The following DOCK1 variants were observed in gnomAD, a reference collection of about 807,000 sequenced individuals.
DOCK1 encodes dedicator of cytokinesis 1, also known as dedicator of cytokinesis protein 1.
DOCK1 carries 138 observed loss-of-function variants against 262.7 expected under a neutral mutation model. The ratio of observed to expected loss-of-function variants is 0.53; its 90% CI spans 0.46 to 0.61. The LOEUF is 0.61. DOCK1 is among the 20% of genes least tolerant of loss of function. DOCK1 has a pLI of 0.00. For missense variants in DOCK1, 1,908 were observed against 2,370.7 expected (o/e 0.80, Z 4.05); for synonymous variants, 866 against 867.4 (o/e 1.00, Z 0.03).
chr10:127,318,876 A>G (rs542542886), intron 29 of DOCK1, among the ~76,000 whole-genome samples: 1 of 152,344 alleles, frequency 6.6e-6, no homozygotes, highest in African/African-American at 2.4e-5. Context: ...ACAAGGGGCC[A>G]GAGGGGCCTG....
intron 33 of DOCK1, among the ~76,000 whole-genome samples, chr10:127,368,855 G>A (rs539833659): frequency 3.9e-5 from 6 of 152,044 alleles, no homozygotes; most frequent in South Asian, 4.1e-4. Context: ...CATTTGTTAC[G>A]CCTTTGGAAA....
At chr10:127,097,447 C>T (rs938568798) in intron 23 of DOCK1, among the ~76,000 whole-genome samples, 2 of 152,184 alleles carry the variant, frequency 1.3e-5, no homozygotes, top group African/African-American at 4.8e-5. Flanking sequence ...GGCTTGCTGG[C>T]TTTCCATCAG....
intron 1 of DOCK1, among the ~76,000 whole-genome samples, chr10:126,907,057 A>G (rs894271459): frequency 1.3e-5 from 2 of 152,146 alleles, no homozygotes; most frequent in African/African-American, 2.4e-5. Context: ...TCAGTGTGTA[A>G]CCTGCACCCT....
intron 11 of DOCK1, among the ~76,000 whole-genome samples, chr10:127,010,219 C>A (rs1236263874): frequency 2.0e-5 from 3 of 152,198 alleles, no homozygotes; most frequent in Non-Finnish European, 4.4e-5. Context: ...GTAATCCCAG[C>A]ACTTTGGGAG....
intron 1 of DOCK1, among the ~76,000 whole-genome samples, chr10:126,921,564 G>A (rs1201107342): frequency 1.3e-5 from 2 of 152,170 alleles, no homozygotes; most frequent in Non-Finnish European, 2.9e-5. Context: ...AGGGCGTGAT[G>A]GGGAGTGGCC....
chr10:127,199,373 G>T (rs898401220), intron 27 of DOCK1, among the ~76,000 whole-genome samples: 2 of 152,062 alleles, frequency 1.3e-5, no homozygotes, highest in Non-Finnish European at 2.9e-5. Flanking sequence ...AAAAAGTCAA[G>T]AATATACAAG....
chr10:127,138,119 G>T, intron 27 of DOCK1: 3 of 1,051,506 alleles, frequency 2.9e-6, no homozygotes, highest in Non-Finnish European at 4.1e-6. Flanking sequence ...GTGTGTGTTT[G>T]TAATGTAATT....
intron 27 of DOCK1, among the ~76,000 whole-genome samples, chr10:127,167,000 G>T (rs929124201): frequency 5.9e-5 from 9 of 152,030 alleles, no homozygotes; most frequent in Non-Finnish European, 1.3e-4. Flanking sequence ...TTTCATGTAT[G>T]TGTGATACCT....
Position 127,404,404 on chromosome 10 carries a change from G to A in DOCK1, c.4097G>A (p.Gly1366Glu). 1 of 1,613,752 alleles carries A rather than the reference G, an allele frequency of 6.2e-7. No individual in the cohort carries two copies. The highest frequency in any genetic ancestry group is 8.5e-7 in the Non-Finnish European group (1 of 1,179,826). The change falls in exon 40 of 52, where the codon GGA (glycine) becomes GAA (glutamate). Residue 1366 changes from glycine (G) to glutamate (E), a missense_variant. By Grantham distance (98) the Gly-to-Glu change is moderately conservative. Transcript: ENST00000623213. ...GACTATTTTGCTGTTGGCTACTACG[G>A]ACAAGGGTTCCCCACATTCCTGCGG... is the stretch of plus-strand genomic sequence containing the variant. ...KPDYFAVGYY[G>E]QGFPTFLRGK...
intron 1 of DOCK1, among the ~76,000 whole-genome samples, chr10:126,954,031 C>G (rs897656472): frequency 6.6e-6 from 1 of 152,190 alleles, no homozygotes; most frequent in Non-Finnish European, 1.5e-5. Context: ...CCTGCCTGCC[C>G]TTTATCCTTG....
At chr10:127,348,661 T>C (rs2063751337) in intron 31 of DOCK1, among the ~76,000 whole-genome samples, 1 of 152,202 alleles carries the variant, frequency 6.6e-6, no homozygotes, top group Middle Eastern at 3.2e-3. Flanking sequence ...TTTTTGTTTT[T>C]GTTTTTTTGT....
chr10:127,079,121 T>G (rs928709375), intron 23 of DOCK1, among the ~76,000 whole-genome samples: 1 of 152,226 alleles, frequency 6.6e-6, no homozygotes, highest in African/African-American at 2.4e-5. Flanking sequence ...GACACTCATG[T>G]AACCCACACT....
chr10:127,194,818 C>G (rs575895790), intron 27 of DOCK1, among the ~76,000 whole-genome samples: 14 of 152,174 alleles, frequency 9.2e-5, no homozygotes, highest in Non-Finnish European at 1.8e-4. Context: ...CAGGGCTCCC[C>G]CAAAGTTCAT....
intron 6 of DOCK1, among the ~76,000 whole-genome samples, chr10:126,991,128 TTA>T (rs2039753698): frequency 6.6e-6 from 1 of 152,184 alleles, no homozygotes; most frequent in East Asian, 1.9e-4. Context: ...CTTTGTGCAG[TTA>T]TGTCTCTTGC....
intron 2 of DOCK1, among the ~76,000 whole-genome samples, chr10:126,973,417 G>A (rs2038268725): frequency 1.3e-5 from 2 of 152,046 alleles, no homozygotes; most frequent in Admixed American, 6.6e-5. Flanking sequence ...TTTAAACAGT[G>A]GACTCCTCGG....
chr10:127,318,042 T>C (rs142461339), intron 29 of DOCK1, among the ~76,000 whole-genome samples: 39 of 152,354 alleles, frequency 2.6e-4, no homozygotes, highest in African/African-American at 9.1e-4. Flanking sequence ...TCAGGACTTA[T>C]TTCCCTTCTT....
At chr10:127,158,086 T>C (rs1465136232) in intron 27 of DOCK1, among the ~76,000 whole-genome samples, 2 of 152,222 alleles carry the variant, frequency 1.3e-5, no homozygotes, top group South Asian at 2.1e-4. Flanking sequence ...AATTTTATGG[T>C]CACATTAATA....
intron 1 of DOCK1, among the ~76,000 whole-genome samples, chr10:126,912,767 C>A (rs894016036): frequency 5.3e-5 from 8 of 151,306 alleles, no homozygotes; most frequent in Non-Finnish European, 1.0e-4. Flanking sequence ...ACTAGTCATG[C>A]TGGATAAGGG....
In DOCK1 at chr10:127,090,641, C is replaced by T. The variant is rs116579940; in HGVS notation, c.2446-15590C>T. ...TCACCCCAGAAGGAAACCCCACAGCCGTTACAGTCACTCTGTTTCCCCCTT... is the reference window on the plus strand; with the variant it reads ...TCACCCCAGAAGGAAACCCCACAGCTGTTACAGTCACTCTGTTTCCCCCTT... On this transcript the variant is annotated intron_variant, in intron 23 of 51. Transcript: ENST00000623213. 6.0e-3 allele frequency among the ~76,000 whole-genome samples: 908 copies of T among 152,276 alleles called. 9 individuals are homozygous for T. Among genetic ancestry groups the T allele is most frequent in the African/African-American group, 0.02 (847 of 41,564 alleles).
Sources: allele counts gnomAD v4.1 joint callset (sites outside exome capture counted in the v4.1 genomes callset), GRCh38; gene constraint gnomAD v4.1.1; transcripts MANE v1.5; gene names NCBI Gene and HGNC (gene_info 2026-07-23, HGNC 2026-07-21).